BMX: variants seen among roughly 807,000 people sequenced by gnomAD.
BMX encodes the protein BMX non-receptor tyrosine kinase.
In BMX, 31 loss-of-function variants were observed where a neutral mutation model predicts 59.2. The ratio of observed to expected loss-of-function variants is 0.52; its 90% CI spans 0.39 to 0.71. The LOEUF (loss-of-function observed/expected upper bound fraction) is 0.71, where lower values mean the gene tolerates loss of function less well. Among genes scored for constraint, BMX ranks in the 30% least tolerant of loss-of-function variants. BMX has a pLI of 0.00. For missense variants in BMX, 474 were observed against 491.7 expected (o/e 0.96, Z 0.34); for synonymous variants, 185 against 181.0 (o/e 1.02, Z -0.18).
At chrX:15,536,581 AAAAAAATCTGTCCTCTCAACCT>A (rs1450479115) in intron 13 of BMX, among the ~76,000 whole-genome samples, 154 bp downstream of exon 13, 4 of 110,072 alleles carry the variant, frequency 3.6e-5, no homozygotes, top group African/African-American at 1.3e-4. Flanking sequence ...TTTAAAAAAA[AAAAAAATCTGTCCTCTCAACCT>A]AAATCTGTAA....
At position 15,522,580 on chromosome X, in the gene BMX, C is replaced by T; in HGVS notation, c.745C>T (p.Leu249=). ...CCCTGACTGGTGGCAAGTAAGAAAA[C>T]TGAAAAGGTAATCCCCAGCTTTCAG... ...DFPDWWQVRK[L]KSSSSSEDVA... Residue 249 remains leucine, a synonymous_variant, in exon 7 of 19, where the codon CTG becomes TTG. Transcript: ENST00000348343. The T allele has an allele frequency of 8.3e-7, 1 of 1,211,539 alleles. No homozygotes were observed. The highest frequency in any genetic ancestry group is 1.1e-6 in the Non-Finnish European group (1 of 895,342).
intron 1 of BMX, among the ~76,000 whole-genome samples, chrX:15,505,405 G>A (rs1923702977): frequency 8.9e-6 from 1 of 111,781 alleles, no homozygotes; most frequent in African/African-American, 3.3e-5. Flanking sequence ...TCTTGGATGG[G>A]TACCTCAAAA....
intron 15 of BMX, 29 bp downstream of exon 15, chrX:15,542,227 A>G: frequency 8.4e-7 from 1 of 1,192,873 alleles, no homozygotes; most frequent in East Asian, 3.0e-5. Context: ...ATTTCAAAGA[A>G]AAGAAAGCAG....
Position 15,507,212 on chromosome X carries a change from C to T in BMX, c.-9-1133C>T, listed in dbSNP as rs1179334301. 2.4e-5 allele frequency: 10 copies of T among 417,416 alleles called. No homozygotes were observed. The African/African-American group carries it at 2.4e-4, about 10-fold the overall frequency. 34.4% of individuals were successfully genotyped at this position (417,416 alleles called of 1,213,427 possible). On this transcript the variant is annotated intron_variant, in intron 1 of 18. Coordinates refer to ENST00000348343, the MANE Select transcript of BMX (RefSeq NM_203281.3). The stretch of plus-strand genomic sequence containing the variant: ...GGTTCGCTTGGCGCCCGCCTCCATG[C>T]AGACAGAGCAATGCCTGTGTGGGTG...
intron 14 of BMX, among the ~76,000 whole-genome samples, chrX:15,541,374 T>G (rs1397089789): frequency 9.0e-6 from 1 of 110,616 alleles, no homozygotes; most frequent in Non-Finnish European, 1.9e-5. Context: ...AATTATCTCA[T>G]TAAAAAAAAA....
intron 14 of BMX, among the ~76,000 whole-genome samples, chrX:15,538,391 T>C (rs1925482609): frequency 8.9e-6 from 1 of 111,738 alleles, no homozygotes; most frequent in Admixed American, 9.5e-5. Context: ...AGTTGGTCAC[T>C]CTACTTTTAG....
chrX:15,528,691 A>G (rs748584898), intron 9 of BMX, among the ~76,000 whole-genome samples: 26 of 111,874 alleles, frequency 2.3e-4, no homozygotes, highest in African/African-American at 8.5e-4. Context: ...CCTTAGGCCT[A>G]GGACTCTGCT....
chrX:15,509,315 G>T lies in BMX; in HGVS notation c.139-14G>T, dbSNP rs776506944. On this transcript the variant is annotated splice_polypyrimidine_tract_variant and intron_variant, in intron 2 of 18. Transcript: ENST00000348343. ...TATTGCAGGAAGTATCTTACATTTT[G>T]TTTTTTAATTCAGAAAAGGGGCAGC... is the stretch of plus-strand genomic sequence containing the variant. 8.5e-7 allele frequency: 1 copy of T among 1,178,428 alleles called. No homozygotes were observed. Among genetic ancestry groups the T allele is most frequent in the Non-Finnish European group, 1.1e-6 (1 of 876,172 alleles).
intron 4 of BMX, among the ~76,000 whole-genome samples, chrX:15,514,511 C>T (rs1317448444): frequency 1.8e-5 from 2 of 111,263 alleles, no homozygotes; most frequent in African/African-American, 6.5e-5. Context: ...GCATAACTCT[C>T]CTGGGATCAA....
At chrX:15,538,675 G>A (rs1925499381) in intron 14 of BMX, among the ~76,000 whole-genome samples, 1 of 111,830 alleles carries the variant, frequency 8.9e-6, no homozygotes, top group African/African-American at 3.3e-5. Context: ...CTTGTCCAGA[G>A]TCGGCAAGCT....
At chrX:15,555,714 T>A (rs368775618) in intron 18 of BMX, among the ~76,000 whole-genome samples, 17 of 111,975 alleles carry the variant, frequency 1.5e-4, no homozygotes, top group African/African-American at 5.5e-4. Context: ...TAATTTTATA[T>A]CCTGCTCTCC....
At chrX:15,527,275 T>C (rs1450674037) in intron 9 of BMX, among the ~76,000 whole-genome samples, 11 of 44,922 alleles carry the variant, frequency 2.4e-4, no homozygotes, top group African/African-American at 1.0e-3. Flanking sequence ...TATATATATA[T>C]ATATATATAC....
chrX:15,516,184 G>T lies in BMX; in HGVS notation c.398G>T (p.Cys133Phe), dbSNP rs1158953515. 1 of 1,211,007 alleles carries T rather than the reference G, an allele frequency of 8.3e-7. No homozygotes were observed. Among genetic ancestry groups the T allele is most frequent in the Non-Finnish European group, 1.1e-6 (1 of 894,965 alleles). Residue 133 changes from cysteine (C) to phenylalanine (F), a missense_variant, in exon 5 of 19, where the codon TGC (cysteine) becomes TTC (phenylalanine). Transcript: ENST00000348343. Reference sequence around the variant, plus strand: ...TTCGTGGACGGGAAGTTCCTGTGTTGCCAGCAGAGCTGTAAAGCAGCCCCA... The same window carrying T: ...TTCGTGGACGGGAAGTTCCTGTGTTTCCAGCAGAGCTGTAAAGCAGCCCCA... Reference protein sequence around the residue: ...GFFVDGKFLCCQQSCKAAPGC... With the variant: ...GFFVDGKFLCFQQSCKAAPGC...
At chrX:15,518,244 C>CA (rs373399805) in intron 6 of BMX, among the ~76,000 whole-genome samples, 1,005 of 86,470 alleles carry the variant, frequency 0.012, 5 homozygotes, top group Non-Finnish European at 0.015. Context: ...AAATAGTCAC[C>CA]AAAAAAAAAA....
intron 1 of BMX, among the ~76,000 whole-genome samples, chrX:15,503,281 T>C (rs1923633149): frequency 8.9e-6 from 1 of 112,266 alleles, no homozygotes; most frequent in African/African-American, 3.2e-5. Context: ...TGGTTTCAAA[T>C]TTTGCTATTT....
chrX:15,507,817 G>C (rs1923797418), intron 1 of BMX, among the ~76,000 whole-genome samples: 2 of 111,043 alleles, frequency 1.8e-5, no homozygotes, highest in South Asian at 7.6e-4. Flanking sequence ...AATTCTCATA[G>C]ATATTGAAAA....
At chrX:15,508,023 A>G (rs1208498243) in intron 1 of BMX, among the ~76,000 whole-genome samples, 1 of 111,975 alleles carries the variant, frequency 8.9e-6, no homozygotes, top group Non-Finnish European at 1.9e-5. Context: ...CAACACATAT[A>G]GAATGTTTAA....
intron 1 of BMX, among the ~76,000 whole-genome samples, chrX:15,502,659 A>G (rs1018310854): frequency 1.8e-5 from 2 of 112,255 alleles, no homozygotes; most frequent in African/African-American, 6.5e-5. Flanking sequence ...CCTCTCCTGC[A>G]TAACATCATG....
chrX:15,511,217 A>G (rs1353782555), intron 3 of BMX, among the ~76,000 whole-genome samples: 2 of 112,241 alleles, frequency 1.8e-5, no homozygotes, highest in African/African-American at 6.5e-5. Flanking sequence ...ACTATGAGGT[A>G]CATCATCGCT....
Sources: gnomAD v4.1 joint callset for allele counts (sites outside exome capture counted in the v4.1 genomes callset) on GRCh38, gnomAD v4.1.1 for gene constraint, MANE v1.5 for transcripts, NCBI Gene and HGNC (gene_info 2026-07-23, HGNC 2026-07-21) for gene names.